Variants in ZNF503 observed in about 807,000 individuals in gnomAD.
The protein encoded by ZNF503 is NocA-like zinc finger 2.
ZNF503 carries 15 observed loss-of-function variants against 34.4 expected under a neutral mutation model. The ratio of observed to expected loss-of-function variants is 0.44; its 90% confidence interval spans 0.29 to 0.67. The LOEUF (loss-of-function observed/expected upper bound fraction) is 0.67, where lower values mean the gene tolerates loss of function less well. Ranked by LOEUF, ZNF503 falls within the 30% of genes least tolerant of loss-of-function variation. The probability of loss-of-function intolerance (pLI) is 0.13; values close to 1 mark genes in which losing one functional copy is unlikely to be tolerated. For missense variants in ZNF503, 1,007 were observed against 926.8 expected, an observed-to-expected ratio of 1.09 and a Z score of -1.12; for synonymous variants, 580 against 456.8, an observed-to-expected ratio of 1.27 and a Z score of -3.44.
At chr10:75,367,386 A>G in the ZNF503 span, among the ~76,000 whole-genome samples, 1 of 152,222 alleles carries the variant, frequency 6.6e-6, no homozygotes, top group East Asian at 1.9e-4. Context: ...TGATCTGGTT[A>G]GGACAATTGC....
the ZNF503 span, among the ~76,000 whole-genome samples, chr10:75,341,425 T>C: frequency 1.3e-5 from 2 of 152,174 alleles, no homozygotes; most frequent in East Asian, 3.9e-4. Flanking sequence ...GGATCATGAG[T>C]GACTTGTCTC....
At chr10:75,318,188 A>C in the ZNF503 span, among the ~76,000 whole-genome samples, 1 of 152,206 alleles carries the variant, frequency 6.6e-6, no homozygotes, top group Non-Finnish European at 1.5e-5. Context: ...TGTATGCCTT[A>C]AATTATATAA....
chr10:75,359,717 C>A, the ZNF503 span, among the ~76,000 whole-genome samples: 1 of 152,222 alleles, frequency 6.6e-6, no homozygotes, highest in Non-Finnish European at 1.5e-5. Flanking sequence ...CCACAGTGAT[C>A]ATTTCAGCCA....
chr10:75,356,058 A>G, the ZNF503 span, among the ~76,000 whole-genome samples: 1 of 152,152 alleles, frequency 6.6e-6, no homozygotes, highest in African/African-American at 2.4e-5. Context: ...TGACAAGTGA[A>G]AGCCACATTA....
chr10:75,348,812 G>A, the ZNF503 span, among the ~76,000 whole-genome samples: 5 of 152,024 alleles, frequency 3.3e-5, no homozygotes, highest in Admixed American at 1.3e-4. Context: ...GCACCCGGCC[G>A]CCCCTATTAC....
Position 75,399,766 on chromosome 10 carries a change from G to T in ZNF503, c.924C>A (p.Gly308=). The part of the protein sequence containing the change: ...PDGGPGGKAL[G]SDCGGSSGSS... Reference sequence around the variant, plus strand: ...AGCCCGATGAACCGCCGCAGTCCGAGCCCAGAGCCTTGCCTCCCGGGCCCC... The same window carrying T: ...AGCCCGATGAACCGCCGCAGTCCGATCCCAGAGCCTTGCCTCCCGGGCCCC... The change falls in exon 2 of 2, where the codon GGC becomes GGA. Residue 308 remains glycine, a synonymous_variant. Coordinates refer to ENST00000372524, the MANE Select transcript of ZNF503 (RefSeq NM_032772.6). The T allele has an allele frequency of 6.3e-7, 1 of 1,593,252 alleles. No homozygotes were observed. Among genetic ancestry groups the T allele is most frequent in the Admixed American group, 1.7e-5 (1 of 58,334 alleles).
At chr10:75,385,034 G>C in the ZNF503 span, among the ~76,000 whole-genome samples, 4 of 152,222 alleles carry the variant, frequency 2.6e-5, no homozygotes, top group African/African-American at 9.6e-5. Context: ...GATGGAGATA[G>C]ATGAGGGATG....
chr10:75,339,659 C>CACCT, the ZNF503 span, among the ~76,000 whole-genome samples: 3 of 152,154 alleles, frequency 2.0e-5, no homozygotes, highest in African/African-American at 7.2e-5. Flanking sequence ...GGAGCCAAGC[C>CACCT]ACCTGTGCCT....
chr10:75,321,340 T>G, the ZNF503 span, among the ~76,000 whole-genome samples: 18 of 152,148 alleles, frequency 1.2e-4, no homozygotes, highest in Non-Finnish European at 2.5e-4. Flanking sequence ...GAGAATGGAC[T>G]AATACGGAAA....
chr10:75,345,621 C>T, the ZNF503 span, among the ~76,000 whole-genome samples: 31 of 121,478 alleles, frequency 2.6e-4, no homozygotes, highest in Admixed American at 1.4e-3. Context: ...GGTGACAGAG[C>T]GAGACTCTGT....
At chr10:75,390,140 G>T in the ZNF503 span, among the ~76,000 whole-genome samples, 1 of 150,078 alleles carries the variant, frequency 6.7e-6, no homozygotes, top group East Asian at 2.0e-4. Flanking sequence ...CTCGTGATCC[G>T]CCTGCCTCAG....
At chr10:75,284,180 G>GA in the ZNF503 span, 1 of 152,248 alleles carries the variant, frequency 6.6e-6, no homozygotes, top group Admixed American at 6.6e-5. Context: ...GGGAGGGAAG[G>GA]AAAGAAGGGG....
the ZNF503 span, among the ~76,000 whole-genome samples, chr10:75,333,489 T>C: frequency 3.4e-3 from 81 of 23,938 alleles, no homozygotes; most frequent in South Asian, 5.1e-3. Context: ...CCGGACGGGG[T>C]GGCTGGCCGG....
At chr10:75,395,757 G>A (rs151111010), downstream of ZNF503, among the ~76,000 whole-genome samples, 2,158 of 152,348 alleles carry the variant, frequency 0.014, 36 homozygotes, top group Non-Finnish European at 0.024. This position sits in a 1 kb window ranked among gnomAD's most constrained non-coding sequence, Gnocchi z 4.4. Flanking sequence ...CCCCAGCGCC[G>A]GAACGCTGCT....
chr10:75,396,097 G>C (rs1313323834), downstream of ZNF503, among the ~76,000 whole-genome samples: 1 of 152,182 alleles, frequency 6.6e-6, no homozygotes, highest in East Asian at 1.9e-4. This position sits in a 1 kb window ranked among gnomAD's most constrained non-coding sequence, Gnocchi z 4.4. Flanking sequence ...GCACCGGAGC[G>C]TGGGACCCCG....
chr10:75,352,842 A>C, the ZNF503 span, among the ~76,000 whole-genome samples: 2 of 152,262 alleles, frequency 1.3e-5, no homozygotes, highest in Non-Finnish European at 2.9e-5. Flanking sequence ...AGAGTACGGG[A>C]TGGACCAGGA....
chr10:75,351,020 A>C, the ZNF503 span, among the ~76,000 whole-genome samples: 3 of 152,316 alleles, frequency 2.0e-5, no homozygotes, highest in South Asian at 6.2e-4. Context: ...AGTCATCTAC[A>C]TCCTCTTGTG....
At chr10:75,369,814 C>G in the ZNF503 span, among the ~76,000 whole-genome samples, 4 of 152,086 alleles carry the variant, frequency 2.6e-5, no homozygotes, top group Non-Finnish European at 5.9e-5. Flanking sequence ...CACCTGTAAT[C>G]CCAGCACTTT....
chr10:75,298,887 G>A, the ZNF503 span: 1 of 151,746 alleles, frequency 6.6e-6, no homozygotes, highest in Non-Finnish European at 1.5e-5. Context: ...GCTTCCCAGA[G>A]TGCTGGGATT....
Sources: gnomAD v4.1 joint callset for allele counts (sites outside exome capture counted in the v4.1 genomes callset) on GRCh38, gnomAD v4.1.1 for gene constraint, Gnocchi (gnomAD v3.1) non-coding constraint, MANE v1.5 for transcripts, NCBI Gene and HGNC (gene_info 2026-07-23, HGNC 2026-07-21) for gene names.